PKIB: variants seen among roughly 807,000 people sequenced by gnomAD.
PKIB encodes cAMP-dependent protein kinase inhibitor beta, also known as PKI-beta.
In PKIB, 2 loss-of-function variants were observed where a neutral mutation model predicts 4.5. The observed-to-expected ratio is 0.44, with a 90% CI of 0.18 to 1.39. The LOEUF is 1.39. Ranked by LOEUF, PKIB falls within the 40% of genes most tolerant of loss-of-function variation. The pLI is 0.27. For synonymous variants in PKIB, 38 were observed against 36.0 expected (o/e 1.06, Z -0.20); for missense variants, 94 against 92.6 (o/e 1.02, Z -0.06).
chr6:122,504,146 A>G (rs1372500104), intron 2 of PKIB, among the ~76,000 whole-genome samples: 3 of 152,286 alleles, frequency 2.0e-5, no homozygotes, highest in Admixed American at 6.5e-5. Context: ...GTAATGATAA[A>G]TATTTTTTTT....
intron 2 of PKIB, among the ~76,000 whole-genome samples, chr6:122,573,692 G>A (rs1773441210): frequency 6.6e-6 from 1 of 151,998 alleles, no homozygotes; most frequent in African/African-American, 2.4e-5. Context: ...CTCAATAGAT[G>A]CAGAAAAAGC....
At chr6:122,576,546 T>G (rs756183837) in intron 2 of PKIB, among the ~76,000 whole-genome samples, 6 of 150,474 alleles carry the variant, frequency 4.0e-5, no homozygotes, top group Non-Finnish European at 8.9e-5. Flanking sequence ...CAGGCGCCTG[T>G]AGTCCCAGCT....
At chr6:122,482,423 A>G (rs1775648475) in intron 2 of PKIB, 1 of 152,136 alleles carries the variant, frequency 6.6e-6, no homozygotes, top group African/African-American at 2.4e-5. Context: ...AGCTTTTTCT[A>G]GTGCTTGCAC....
chr6:122,619,510 C>G (rs1775135385), intron 1 of PKIB, among the ~76,000 whole-genome samples: 1 of 151,958 alleles, frequency 6.6e-6, no homozygotes, highest in African/African-American at 2.4e-5. Flanking sequence ...CCCGCACCTG[C>G]CTTGGAACTT....
chr6:122,676,019 C>T (rs1214339325), intron 3 of PKIB, among the ~76,000 whole-genome samples: 2 of 151,990 alleles, frequency 1.3e-5, no homozygotes, highest in Non-Finnish European at 1.5e-5. Context: ...ATGATTCAAT[C>T]ACATTACATT....
At chr6:122,710,088 G>C (rs1033634964) in intron 3 of PKIB, among the ~76,000 whole-genome samples, 2 of 151,932 alleles carry the variant, frequency 1.3e-5, no homozygotes, top group African/African-American at 2.4e-5. Flanking sequence ...TAATCGATAG[G>C]TATCAGCTAT....
chr6:122,569,570 G>T (rs924914328), intron 2 of PKIB, among the ~76,000 whole-genome samples: 2 of 152,210 alleles, frequency 1.3e-5, no homozygotes, highest in Admixed American at 1.3e-4. Context: ...ATCTCACAGA[G>T]TCTACGTCAC....
intron 3 of PKIB, among the ~76,000 whole-genome samples, chr6:122,697,892 T>C (rs970988625): frequency 1.3e-5 from 2 of 152,102 alleles, no homozygotes; most frequent in African/African-American, 2.4e-5. Flanking sequence ...CCTTAGGATA[T>C]GTAGAGAAAC....
At chr6:122,682,792 G>A (rs1777951479) in intron 3 of PKIB, among the ~76,000 whole-genome samples, 1 of 152,108 alleles carries the variant, frequency 6.6e-6, no homozygotes, top group Non-Finnish European at 1.5e-5. Context: ...GTCCTCCTGG[G>A]ATTGTTCTCA....
chr6:122,554,331 G>C (rs1395736429), intron 2 of PKIB, among the ~76,000 whole-genome samples: 1 of 152,142 alleles, frequency 6.6e-6, no homozygotes, highest in African/African-American at 2.4e-5. Flanking sequence ...TTGAAATGTA[G>C]ATATTTAAAT....
intron 3 of PKIB, among the ~76,000 whole-genome samples, chr6:122,703,917 TGTGTGTATATATATATATATATATAG>T (rs1459594432): frequency 8.8e-6 from 1 of 113,482 alleles, no homozygotes; most frequent in Non-Finnish European, 2.0e-5. Flanking sequence ...TATATATATA[TGTGTGTATATATATATATATATATAG>T]AGAGAGAGAG....
intron 3 of PKIB, among the ~76,000 whole-genome samples, chr6:122,586,723 G>T (rs1239752359): frequency 1.3e-5 from 2 of 152,062 alleles, no homozygotes; most frequent in Non-Finnish European, 2.9e-5. Context: ...ATAGCCAAGG[G>T]AAGGGCTTAT....
intron 2 of PKIB, among the ~76,000 whole-genome samples, chr6:122,551,576 T>A (rs193203173): frequency 6.6e-6 from 1 of 152,158 alleles, no homozygotes; most frequent in Admixed American, 6.6e-5. Context: ...AGAGCTTTCC[T>A]TTGATTTCCC....
Position 122,665,222 on chromosome 6 carries a change from C to T in PKIB, c.-75-9856C>T, listed in dbSNP as rs9490516. On this transcript the variant is annotated intron_variant, in intron 2 of 4. Transcript: ENST00000368452. ...GATAAGTAGGAAAACCAGAAGTGAA[C>T]ATTTCAACCTTTGTCTATTGTTGAG... is the stretch of plus-strand genomic sequence containing the variant. 6.0e-4 allele frequency among the ~76,000 whole-genome samples: 92 copies of T among 152,290 alleles called. 1 individual carries two copies. The highest frequency in any genetic ancestry group is 2.2e-3 in the African/African-American group (92 of 41,580).
At chr6:122,680,366 T>C (rs1777850843) in intron 3 of PKIB, among the ~76,000 whole-genome samples, 1 of 152,246 alleles carries the variant, frequency 6.6e-6, no homozygotes, top group Non-Finnish European at 1.5e-5. Context: ...TCTGGGCTTC[T>C]CTAAGCATGG....
intron 2 of PKIB, among the ~76,000 whole-genome samples, chr6:122,547,546 C>T (rs1772531951): frequency 6.6e-6 from 1 of 151,312 alleles, no homozygotes; most frequent in South Asian, 2.1e-4. Context: ...CCGTGTTGGC[C>T]AGGCTGGTCT....
intron 1 of PKIB, among the ~76,000 whole-genome samples, chr6:122,617,940 T>C (rs1775063883): frequency 6.6e-6 from 1 of 152,148 alleles, no homozygotes; most frequent in African/African-American, 2.4e-5. Flanking sequence ...ACAGTTTGTA[T>C]CCTACATTTC....
intron 2 of PKIB, among the ~76,000 whole-genome samples, chr6:122,571,049 A>G (rs950102386): frequency 6.1e-5 from 6 of 98,788 alleles, no homozygotes; most frequent in Non-Finnish European, 1.1e-4. Context: ...GGATATCATA[A>G]AAAAAAACAA....
chr6:122,584,307 A>G (rs543396696), intron 2 of PKIB, among the ~76,000 whole-genome samples: 4 of 152,306 alleles, frequency 2.6e-5, no homozygotes, highest in East Asian at 3.9e-4. Flanking sequence ...CATCAAATGA[A>G]TAAGTTCAAA....
Sources: gnomAD v4.1 joint callset for allele counts (sites outside exome capture counted in the v4.1 genomes callset) on GRCh38, gnomAD v4.1.1 for gene constraint, MANE v1.5 for transcripts, NCBI Gene and HGNC (gene_info 2026-07-23, HGNC 2026-07-21) for gene names.